Variants in SCFD2 observed in about 807,000 individuals in gnomAD.
The protein encoded by SCFD2 is sec1 family domain containing 2.
A neutral mutation model predicts 58.9 loss-of-function variants in SCFD2; 54 were observed. The observed-to-expected ratio is 0.92, with a 90% confidence interval of 0.74 to 1.15. The LOEUF (loss-of-function observed/expected upper bound fraction) is 1.15, where lower values mean the gene tolerates loss of function less well. SCFD2 is among the 50% of genes most tolerant of loss of function. The pLI, the probability that SCFD2 is intolerant of heterozygous loss-of-function variation, is 0.00. For missense variants in SCFD2, 805 were observed against 836.6 expected (o/e 0.96, Z 0.47); for synonymous variants, 321 against 335.9 (o/e 0.96, Z 0.49).
intron 7 of SCFD2, among the ~76,000 whole-genome samples, chr4:52,888,346 A>G (rs1211542318): frequency 3.3e-5 from 5 of 152,180 alleles, no homozygotes; most frequent in Non-Finnish European, 7.3e-5. Flanking sequence ...ACCTCAAAAT[A>G]GGTGGTGGTG....
chr4:53,182,608 C>G (rs1727606666), intron 4 of SCFD2, among the ~76,000 whole-genome samples: 1 of 152,160 alleles, frequency 6.6e-6, no homozygotes, highest in African/African-American at 2.4e-5. Flanking sequence ...GACTTCATGT[C>G]TAAAACATCG....
rs764764359 is a variant in SCFD2, at chr4:53,186,455, T to C, written c.1312-40873A>G. 5.3e-5 allele frequency among the ~76,000 whole-genome samples: 8 copies of C among 152,096 alleles called. No homozygotes were observed. In the South Asian group the frequency reaches 6.2e-4, roughly 12 times the overall value. On this transcript the variant is annotated intron_variant, in intron 4 of 8. Transcript: ENST00000401642. ...GGCAGAGATTCTTGCACGAAGAACA[T>C]GTCCAGAAAATGTTTGTTGAACTTA...
intron 3 of SCFD2, among the ~76,000 whole-genome samples, chr4:53,295,483 A>T (rs1458006332): frequency 1.3e-5 from 2 of 152,072 alleles, no homozygotes; most frequent in Admixed American, 1.3e-4. Flanking sequence ...TTGCAGATTG[A>T]CTTTGTATCG....
At chr4:53,348,541 C>A (rs576277664) in intron 2 of SCFD2, among the ~76,000 whole-genome samples, 17 of 152,278 alleles carry the variant, frequency 1.1e-4, no homozygotes, top group African/African-American at 3.4e-4. Context: ...AAAAAAACTA[C>A]CATTTTTCTC....
At chr4:53,261,623 ACT>A (rs1307192944) in intron 4 of SCFD2, among the ~76,000 whole-genome samples, 3 of 151,990 alleles carry the variant, frequency 2.0e-5, no homozygotes, top group Non-Finnish European at 4.4e-5. Flanking sequence ...ATTTACTGAG[ACT>A]TGTTTTGTGG....
At chr4:53,118,842 G>A (rs1247290309) in intron 5 of SCFD2, among the ~76,000 whole-genome samples, 2 of 151,126 alleles carry the variant, frequency 1.3e-5, no homozygotes, top group Non-Finnish European at 1.5e-5. Flanking sequence ...AGGCATCTAC[G>A]TAAAAAAAAA....
intron 5 of SCFD2, among the ~76,000 whole-genome samples, chr4:53,109,900 G>A (rs1325004469): frequency 6.6e-6 from 1 of 152,020 alleles, no homozygotes; most frequent in Non-Finnish European, 1.5e-5. Context: ...AAAAGAGCCT[G>A]TATAGCCAAG....
At chr4:53,183,420 G>A (rs538869380) in intron 4 of SCFD2, among the ~76,000 whole-genome samples, 8 of 152,004 alleles carry the variant, frequency 5.3e-5, no homozygotes, top group African/African-American at 1.2e-4. Flanking sequence ...ACCAAACACC[G>A]CATGTTCTCA....
At chr4:53,342,596 C>T (rs1351597623) in intron 2 of SCFD2, among the ~76,000 whole-genome samples, 1 of 152,164 alleles carries the variant, frequency 6.6e-6, no homozygotes, top group Non-Finnish European at 1.5e-5. Flanking sequence ...CTCAGCTCTG[C>T]ACCAAGCAGA....
intron 4 of SCFD2, among the ~76,000 whole-genome samples, chr4:53,188,418 G>GGTGTGTGTGTGTGT (rs56120914): frequency 7.0e-6 from 1 of 143,460 alleles, no homozygotes; most frequent in Non-Finnish European, 1.5e-5. Context: ...CTTCAAAACT[G>GGTGTGTGTGTGTGT]GTGTGTGTGT....
chr4:53,035,743 C>A (rs1336192184), intron 5 of SCFD2, among the ~76,000 whole-genome samples: 1 of 152,180 alleles, frequency 6.6e-6, no homozygotes, highest in Non-Finnish European at 1.5e-5. Context: ...CATCACTGGT[C>A]ATTAGAGAAA....
intron 5 of SCFD2, among the ~76,000 whole-genome samples, chr4:53,113,907 C>CTAT (rs1725244994): frequency 6.6e-6 from 1 of 152,062 alleles, no homozygotes; most frequent in East Asian, 1.9e-4. Context: ...TTTCTTCTCA[C>CTAT]TGTTGTGAGA....
At chr4:53,328,066 C>G (rs1052509907) in intron 2 of SCFD2, among the ~76,000 whole-genome samples, 1 of 151,748 alleles carries the variant, frequency 6.6e-6, no homozygotes, top group Non-Finnish European at 1.5e-5. Context: ...ACCCAGGAGG[C>G]AGAGGTTGCA....
chr4:52,970,171 C>T (rs1721062020), intron 5 of SCFD2, among the ~76,000 whole-genome samples: 1 of 152,126 alleles, frequency 6.6e-6, no homozygotes. Flanking sequence ...AAAGTGGGTG[C>T]TGGACAGTGG....
chr4:53,234,165 A>G (rs781316524), intron 4 of SCFD2, among the ~76,000 whole-genome samples: 17 of 152,170 alleles, frequency 1.1e-4, no homozygotes, highest in Non-Finnish European at 1.6e-4. Context: ...AAGAAATTGT[A>G]TGCACATCCA....
intron 5 of SCFD2, among the ~76,000 whole-genome samples, chr4:52,993,583 C>T (rs949996051): frequency 6.6e-6 from 1 of 152,078 alleles, no homozygotes; most frequent in African/African-American, 2.4e-5. Flanking sequence ...TTGTTTATCT[C>T]TTCAAAATGA....
chr4:52,956,073 C>A (rs1441005722), intron 5 of SCFD2: 2 of 456,644 alleles, frequency 4.4e-6, no homozygotes, highest in Non-Finnish European at 8.8e-6. Flanking sequence ...ACTCTCCCTC[C>A]CAGCTTGAGG....
chr4:53,123,539 G>GGGGGGGGGGGGGC (rs1560345946), intron 5 of SCFD2, among the ~76,000 whole-genome samples: 2 of 132,690 alleles, frequency 1.5e-5, no homozygotes, highest in Non-Finnish European at 1.6e-5. Flanking sequence ...GGGTGGGGGG[G>GGGGGGGGGGGGGC]GGGCACTGAC....
At chr4:53,252,576 C>G (rs866595843) in intron 4 of SCFD2, among the ~76,000 whole-genome samples, 1 of 149,466 alleles carries the variant, frequency 6.7e-6, no homozygotes, top group Non-Finnish European at 1.5e-5. Context: ...TCAGAAATAA[C>G]ACCGCATATC....
Sources: allele counts gnomAD v4.1 joint callset (sites outside exome capture counted in the v4.1 genomes callset), GRCh38; gene constraint gnomAD v4.1.1; transcripts MANE v1.5; gene names NCBI Gene and HGNC (gene_info 2026-07-23, HGNC 2026-07-21).